PDE4D: variants seen among roughly 807,000 people sequenced by gnomAD.
PDE4D encodes phosphodiesterase 4D.
Under a neutral mutation model 87.4 loss-of-function variants are expected in PDE4D, and 24 were observed. That is an observed-to-expected ratio of 0.27 (90% confidence interval 0.20 to 0.39). PDE4D has a LOEUF of 0.39. PDE4D is among the 10% of genes least tolerant of loss of function. The probability of loss-of-function intolerance (pLI) is 1.00; values close to 1 mark genes in which losing one functional copy is unlikely to be tolerated. For missense variants in PDE4D, 714 were observed against 1,041.0 expected (o/e 0.69, Z 4.32); for synonymous variants, 384 against 383.2 (o/e 1.00, Z -0.02).
At chr5:59,646,200 T>C (rs1309849200) in intron 1 of PDE4D, among the ~76,000 whole-genome samples, 1 of 152,228 alleles carries the variant, frequency 6.6e-6, no homozygotes, top group East Asian at 1.9e-4. Flanking sequence ...ATTCCAATGA[T>C]GTATCCATTT....
intron 1 of PDE4D, among the ~76,000 whole-genome samples, chr5:60,467,842 T>A (rs1257927908): frequency 2.0e-5 from 3 of 152,098 alleles, no homozygotes; most frequent in Non-Finnish European, 4.4e-5. Context: ...TGCTACACAT[T>A]TTTAAATACT....
chr5:60,138,113 C>T (rs116535500), intron 2 of PDE4D, among the ~76,000 whole-genome samples: 2,396 of 152,130 alleles, frequency 0.016, 25 homozygotes, highest in Non-Finnish European at 0.024. Context: ...AGTCTTGTTT[C>T]TGGGTTCTCT....
At chr5:60,428,828 C>T (rs865951567) in intron 1 of PDE4D, among the ~76,000 whole-genome samples, 19 of 152,100 alleles carry the variant, frequency 1.2e-4, no homozygotes, top group South Asian at 4.1e-4. Flanking sequence ...TAGTAAGAAG[C>T]TATAAAAAGA....
At chr5:59,508,797 A>C (rs1809743908) in intron 1 of PDE4D, among the ~76,000 whole-genome samples, 1 of 152,092 alleles carries the variant, frequency 6.6e-6, no homozygotes, top group African/African-American at 2.4e-5. Context: ...TGAAATTAGA[A>C]ACTCAACAAA....
chr5:59,318,571 G>A (rs1462368519), intron 1 of PDE4D, among the ~76,000 whole-genome samples: 3 of 149,736 alleles, frequency 2.0e-5, no homozygotes, highest in African/African-American at 7.6e-5. Flanking sequence ...TAAAAAAAGG[G>A]TTCTGAAAGG....
intron 3 of PDE4D, among the ~76,000 whole-genome samples, chr5:59,192,098 A>G (rs1744459079): frequency 6.6e-6 from 1 of 152,210 alleles, no homozygotes; most frequent in Non-Finnish European, 1.5e-5. Flanking sequence ...AAAAGTTACT[A>G]TTATACATTA....
At chr5:59,560,062 T>C (rs1325707661) in intron 1 of PDE4D, among the ~76,000 whole-genome samples, 2 of 152,212 alleles carry the variant, frequency 1.3e-5, no homozygotes, top group African/African-American at 4.8e-5. Flanking sequence ...TTTTGCAATG[T>C]TTCTGAAATA....
intron 2 of PDE4D, among the ~76,000 whole-genome samples, chr5:60,115,504 G>A (rs1172857246): frequency 6.6e-6 from 1 of 152,078 alleles, no homozygotes; most frequent in African/African-American, 2.4e-5. Context: ...CACCTACTAT[G>A]TACCAGATAC....
At chr5:59,208,000 G>GT (rs1314398398) in intron 2 of PDE4D, among the ~76,000 whole-genome samples, 14 of 144,014 alleles carry the variant, frequency 9.7e-5, no homozygotes, top group Admixed American at 2.7e-4. Context: ...TCTACTAAAA[G>GT]TAAAAAAAAA....
chr5:60,391,893 T>G (rs372313610), intron 1 of PDE4D, among the ~76,000 whole-genome samples: 14 of 152,194 alleles, frequency 9.2e-5, no homozygotes, highest in African/African-American at 3.4e-4. Context: ...GTTCCATGTT[T>G]AGCCCTTACC....
intron 2 of PDE4D, among the ~76,000 whole-genome samples, chr5:60,028,064 C>T (rs1429139138): frequency 6.6e-6 from 1 of 152,174 alleles, no homozygotes; most frequent in Non-Finnish European, 1.5e-5. Context: ...TTTCACTTCT[C>T]CATTTGCTAA....
At chr5:59,311,453 A>G (rs1421189101) in intron 1 of PDE4D, among the ~76,000 whole-genome samples, 1 of 132,004 alleles carries the variant, frequency 7.6e-6, no homozygotes, top group African/African-American at 2.8e-5. Context: ...ATGAGCTGAG[A>G]TTGCACCACT....
intron 2 of PDE4D, among the ~76,000 whole-genome samples, chr5:60,103,944 G>C (rs746495556): frequency 9.9e-5 from 15 of 152,174 alleles, no homozygotes; most frequent in Admixed American, 3.9e-4. Flanking sequence ...CAGAAGACAG[G>C]TGACTTCTGC....
intron 1 of PDE4D, among the ~76,000 whole-genome samples, chr5:59,413,362 G>C (rs1219500796): frequency 6.6e-6 from 1 of 150,994 alleles, no homozygotes; most frequent in Non-Finnish European, 1.5e-5. Context: ...GGAAGCTGAG[G>C]CAGGAGAATG....
intron 1 of PDE4D, among the ~76,000 whole-genome samples, chr5:59,860,002 T>C (rs1031655963): frequency 2.0e-5 from 3 of 152,200 alleles, no homozygotes; most frequent in Non-Finnish European, 4.4e-5. Context: ...GACAGTTGAA[T>C]TGGAGTTTAT....
chr5:59,252,679 G>T (rs549549062), intron 1 of PDE4D, among the ~76,000 whole-genome samples: 40 of 151,854 alleles, frequency 2.6e-4, no homozygotes, highest in Admixed American at 2.6e-3. Flanking sequence ...GTGCAACCAC[G>T]CCTGGAGAAT....
intron 1 of PDE4D, among the ~76,000 whole-genome samples, chr5:60,259,376 T>C (rs1749411759): frequency 6.6e-6 from 1 of 152,066 alleles, no homozygotes; most frequent in African/African-American, 2.4e-5. Context: ...ATTGGTAATC[T>C]GGACAAACTT....
At chr5:59,246,687 TC>T (rs1758907330) in intron 1 of PDE4D, among the ~76,000 whole-genome samples, 1 of 152,170 alleles carries the variant, frequency 6.6e-6, no homozygotes, top group South Asian at 2.1e-4. Flanking sequence ...AAGGGAATCT[TC>T]CACCACTGTT....
At chr5:59,171,875 G>T (rs1452632660) in intron 5 of PDE4D, among the ~76,000 whole-genome samples, 1 of 102,986 alleles carries the variant, frequency 9.7e-6, no homozygotes, top group East Asian at 2.3e-4. Context: ...ATTTATATGA[G>T]AAATATATTT....
Sources: gnomAD v4.1 joint callset for allele counts (sites outside exome capture counted in the v4.1 genomes callset) on GRCh38, gnomAD v4.1.1 for gene constraint, MANE v1.5 for transcripts, NCBI Gene and HGNC (gene_info 2026-07-23, HGNC 2026-07-21) for gene names.